TBC1D16: variants seen among roughly 807,000 people sequenced by gnomAD.
TBC1D16 encodes the protein CTD-2529O21.1.
In TBC1D16, 58 loss-of-function variants were observed where a neutral mutation model predicts 74.7. The observed-to-expected ratio is 0.78, with a 90% confidence interval of 0.63 to 0.97. The LOEUF (loss-of-function observed/expected upper bound fraction) is 0.97. Among genes scored for constraint, TBC1D16 ranks in the 50% least tolerant of loss-of-function variants. The pLI is 0.00. For missense variants in TBC1D16, 1,014 were observed against 1,079.5 expected (o/e 0.94, Z 0.85); for synonymous variants, 493 against 474.7 (o/e 1.04, Z -0.50).
At position 80,035,615 on chromosome 17, in the gene TBC1D16, G is replaced by GCCCCGCA. The variant is rs1261614884; in HGVS notation, c.-63+173_-63+179dup. 6.6e-6 allele frequency among the ~76,000 whole-genome samples: 1 copy of GCCCCGCA among 151,422 alleles called. No homozygotes were observed. Among genetic ancestry groups the GCCCCGCA allele is most frequent in the Admixed American group, 6.6e-5 (1 of 15,216 alleles). On this transcript the variant is annotated intron_variant, in intron 1 of 11. Coordinates refer to ENST00000310924, the MANE Select transcript of TBC1D16 (RefSeq NM_019020.4). The surrounding 1 kb of genome is among the most constrained non-coding windows in gnomAD (Gnocchi z 5.3). ...CCACAACGCTCCCGCTCCTGCTGGC[G>GCCCCGCA]CCCCGCACCCCGAGGACGGCGGCCG... is the stretch of plus-strand genomic sequence containing the variant.
At position 80,001,513 on chromosome 17, in the gene TBC1D16, G is replaced by A. The variant is rs1426947932; in HGVS notation, c.779+8647C>T. Among the ~76,000 whole-genome samples, 1 of 152,118 alleles carries A rather than the reference G, an allele frequency of 6.6e-6. No individual in the cohort carries two copies. The highest frequency in any genetic ancestry group is 1.5e-5 in the Non-Finnish European group (1 of 68,000). ...CCGGAGGGGTGGGCGGGGGTTCCTG[G>A]AGCATCCTCAGGGGGCGGCGGGCGC... On this transcript the variant is annotated intron_variant, in intron 3 of 11. Transcript: ENST00000310924. The surrounding 1 kb of genome is among the most constrained non-coding windows in gnomAD (Gnocchi z 5.8).
At chr17:80,024,627 GC>G in intron 1 of TBC1D16, among the ~76,000 whole-genome samples, 5 of 21,844 alleles carry the variant, frequency 2.3e-4, no homozygotes, top group South Asian at 1.2e-3. Context: ...CACACCATAA[GC>G]ACACACACCA....
rs1057042300 is a variant in TBC1D16, at chr17:79,954,910, T to C, written c.780-2092A>G. On this transcript the variant is annotated intron_variant, in intron 3 of 11. Transcript: ENST00000310924. The surrounding 1 kb of genome is among the most constrained non-coding windows in gnomAD (Gnocchi z 5.5). ...ACTCACCCTACAGGGCAGGCCAAGG[T>C]TTCCAGAAACCAGACAGAACACAGA... Among the ~76,000 whole-genome samples the C allele has an allele frequency of 6.6e-6, 1 of 151,822 alleles. No individual in the cohort carries two copies. The highest frequency in any genetic ancestry group is 2.4e-5 in the African/African-American group (1 of 41,306).
rs373886731 is a variant in TBC1D16 at position 79,993,551 on chromosome 17, G to C, written c.779+16609C>G. The stretch of plus-strand genomic sequence containing the variant: ...TATGAAGCCAAACAGAACCAGCTAC[G>C]GGAGTCTTTCGACCGCAAGACAAAA... On this transcript the variant is annotated intron_variant, in intron 3 of 11. Coordinates refer to ENST00000310924, the MANE Select transcript of TBC1D16 (RefSeq NM_019020.4). This position sits in a 1 kb window ranked among gnomAD's most constrained non-coding sequence, Gnocchi z 5.1. 2 of 152,244 alleles carry C rather than the reference G, an allele frequency of 1.3e-5. No individual in the cohort carries two copies. The highest frequency in any genetic ancestry group is 4.8e-5 in the African/African-American group (2 of 41,442). The allele number at this position is 152,244 out of a possible 1,614,324, so 9.4% of individuals were successfully genotyped here. A position where few individuals can be genotyped will look rare whatever the true frequency, so the allele number is the denominator to read the frequency against.
intron 3 of TBC1D16, among the ~76,000 whole-genome samples, chr17:79,991,212 C>T (rs1468532228): frequency 6.6e-6 from 1 of 152,248 alleles, no homozygotes; most frequent in African/African-American, 2.4e-5. Context: ...GCGGTCCCTG[C>T]GTCCACGCCG....
rs895833521 is a variant in TBC1D16 at position 79,954,092 on chromosome 17, G to C, written c.780-1274C>G. 6.6e-6 allele frequency among the ~76,000 whole-genome samples: 1 copy of C among 152,138 alleles called. No homozygotes were observed. The highest frequency in any genetic ancestry group is 2.4e-5 in the African/African-American group (1 of 41,438). ...ACACTCTCTTGAGATTTAATGTCTA[G>C]CAAATGTCTGCTAAAATAAAACCGG... On this transcript the variant is annotated intron_variant, in intron 3 of 11. Coordinates refer to ENST00000310924, the MANE Select transcript of TBC1D16 (RefSeq NM_019020.4). This position sits in a 1 kb window ranked among gnomAD's most constrained non-coding sequence, Gnocchi z 5.5.
At chr17:79,982,300 T>C (rs538827937) in intron 3 of TBC1D16, among the ~76,000 whole-genome samples, 183 of 151,696 alleles carry the variant, frequency 1.2e-3, no homozygotes, top group African/African-American at 4.1e-3. Context: ...GCGCCCGCCA[T>C]CAAGCCCAGC....
At position 79,973,720 on chromosome 17, in the gene TBC1D16, AAG is replaced by A. The variant is rs1165468147; in HGVS notation, c.780-20904_780-20903del. On this transcript the variant is annotated intron_variant, in intron 3 of 11. Transcript: ENST00000310924. Reference sequence around the variant, plus strand: ...GCGAGACTCTGTCTCAAAAAAAAAAAAGAAAAAAAAATTACAACAAAAAATTA... The same window carrying A: ...GCGAGACTCTGTCTCAAAAAAAAAAAAAAAAAAAATTACAACAAAAAATTA... Among the ~76,000 whole-genome samples, 409 of 76,360 alleles carry A rather than the reference AAG, an allele frequency of 5.4e-3. 11 individuals are homozygous for A. Among genetic ancestry groups the A allele is most frequent in the Admixed American group, 0.015 (67 of 4,614 alleles). The allele number at this position is 76,360 out of a possible 152,430, so 50.1% of individuals were successfully genotyped here.
Position 79,993,749 on chromosome 17 carries a change from C to T in TBC1D16, c.779+16411G>A, listed in dbSNP as rs555679483. ...GGAGCCCGTGACCTCATGCTCAGAG[C>T]TCTCAGAAGCTCACGTGGCCTGTGA... On this transcript the variant is annotated intron_variant, in intron 3 of 11. Coordinates refer to ENST00000310924, the MANE Select transcript of TBC1D16 (RefSeq NM_019020.4). This position sits in a 1 kb window ranked among gnomAD's most constrained non-coding sequence, Gnocchi z 5.1. 2 of 152,344 alleles carry T rather than the reference C, an allele frequency of 1.3e-5. No homozygotes were observed. Among genetic ancestry groups the T allele is most frequent in the East Asian group, 3.9e-4 (2 of 5,182 alleles). 9.4% of individuals were successfully genotyped at this position (152,344 alleles called of 1,614,324 possible).
chr17:79,988,044 G>A lies in TBC1D16; in HGVS notation c.779+22116C>T, dbSNP rs1224041274. Reference sequence around the variant, plus strand: ...AAAATTAGGTGGGGGAGAATGAGACGATATTCAATATTTCCTTCTGATTCA... The same window carrying A: ...AAAATTAGGTGGGGGAGAATGAGACAATATTCAATATTTCCTTCTGATTCA... On this transcript the variant is annotated intron_variant, in intron 3 of 11. Coordinates refer to ENST00000310924, the MANE Select transcript of TBC1D16 (RefSeq NM_019020.4). This position sits in a 1 kb window ranked among gnomAD's most constrained non-coding sequence, Gnocchi z 5.7. 6.6e-6 allele frequency among the ~76,000 whole-genome samples: 1 copy of A among 152,094 alleles called. No individual in the cohort carries two copies. The highest frequency in any genetic ancestry group is 2.4e-5 in the African/African-American group (1 of 41,382).
In TBC1D16 at chr17:80,013,517, A is replaced by C; in HGVS notation, c.31T>G (p.Ser11Ala). Residue 11 changes from serine to alanine, a missense_variant, in exon 2 of 12, where the codon TCC (serine) becomes GCC (alanine). Physicochemically the swap from Ser to Ala is moderately conservative, Grantham distance 99. Transcript: ENST00000310924. Reference protein sequence around the residue: MSLGRLLRRASSKASDLLTLT... With the variant: MSLGRLLRRAASKASDLLTLT... The stretch of plus-strand genomic sequence containing the variant: ...GTCAGGAGGTCCGAGGCTTTGGAGG[A>C]GGCCCTGCGAAGGAGGCGGCCCAGA... The C allele has an allele frequency of 2.6e-6, 4 of 1,557,576 alleles. No homozygotes were observed. Among genetic ancestry groups the C allele is most frequent in the Non-Finnish European group, 3.5e-6 (4 of 1,152,802 alleles).
rs2031392450 is a variant in TBC1D16 at position 79,933,566 on chromosome 17, AT to A, written c.*7292del. 6.6e-6 allele frequency: 1 copy of A among 152,160 alleles called. No homozygotes were observed. Among genetic ancestry groups the A allele is most frequent in the Non-Finnish European group, 1.5e-5 (1 of 68,056 alleles). 9.4% of individuals were successfully genotyped at this position (152,160 alleles called of 1,614,324 possible). ...CCGCACTGGACTATGGGGGATCACA[AT>A]GGGTTTCAGTTTGATTGAGAGAAAA... On this transcript the variant is annotated 3_prime_UTR_variant, in exon 12 of 12. Transcript: ENST00000310924.
At position 79,950,901 on chromosome 17, in the gene TBC1D16, G is replaced by A; in HGVS notation, c.1090-323C>T. On this transcript the variant is annotated intron_variant, in intron 5 of 11. Coordinates refer to ENST00000310924, the MANE Select transcript of TBC1D16 (RefSeq NM_019020.4). This position sits in a 1 kb window ranked among gnomAD's most constrained non-coding sequence, Gnocchi z 4.6. Reference sequence around the variant, plus strand: ...TCCCTCTGCCGGGAGGGCCTGCAATGAATTACATGTGATTGGCCACATACA... The same window carrying A: ...TCCCTCTGCCGGGAGGGCCTGCAATAAATTACATGTGATTGGCCACATACA... 3 of 1,443,584 alleles carry A rather than the reference G, an allele frequency of 2.1e-6. No individual in the cohort carries two copies. The South Asian group carries it at 4.1e-5, about 20-fold the overall frequency. 89.4% of individuals were successfully genotyped at this position (1,443,584 alleles called of 1,614,324 possible).
At chr17:79,998,274 T>C (rs529532524) in intron 3 of TBC1D16, among the ~76,000 whole-genome samples, 1 of 151,846 alleles carries the variant, frequency 6.6e-6, no homozygotes, top group South Asian at 2.1e-4. Flanking sequence ...CAATTTTGCC[T>C]TTTCCAGAAT....
At chr17:80,023,667 A>G (rs11649802) in intron 1 of TBC1D16, among the ~76,000 whole-genome samples, 8 of 142,516 alleles carry the variant, frequency 5.6e-5, no homozygotes, top group Non-Finnish European at 9.1e-5. Flanking sequence ...GCCCCCCCCC[A>G]CCGGCTCAGG....
chr17:79,959,772 C>T (rs546772530), intron 3 of TBC1D16, among the ~76,000 whole-genome samples: 75 of 152,176 alleles, frequency 4.9e-4, no homozygotes, highest in African/African-American at 1.8e-3. Context: ...CAGAAGAATC[C>T]GTAAGAGAAA....
chr17:80,022,374 C>T (rs1045540947), intron 1 of TBC1D16, among the ~76,000 whole-genome samples: 4 of 149,680 alleles, frequency 2.7e-5, no homozygotes, highest in African/African-American at 1.0e-4. Context: ...TCTCTTGTTG[C>T]CCAGGCTAGT....
intron 1 of TBC1D16, among the ~76,000 whole-genome samples, chr17:80,014,064 A>T (rs2036002276): frequency 6.6e-6 from 1 of 152,236 alleles, no homozygotes; most frequent in African/African-American, 2.4e-5. Context: ...TTCATTAAAA[A>T]GAAATAAACA....
At position 79,935,239 on chromosome 17, in the gene TBC1D16, G is replaced by C. The variant is rs1221520194; in HGVS notation, c.*5620C>G. On this transcript the variant is annotated 3_prime_UTR_variant, in exon 12 of 12. Transcript: ENST00000310924. ...TCAGAGTTAACCGGCCCTTTCCCGA[G>C]TGAGACCCCGCGAGCACTCGTCAAT... 2.0e-5 allele frequency: 3 copies of C among 152,368 alleles called. No homozygotes were observed. In the East Asian group the frequency reaches 5.8e-4, roughly 29 times the overall value. 9.4% of individuals were successfully genotyped at this position (152,368 alleles called of 1,614,324 possible). A position where few individuals can be genotyped will look rare whatever the true frequency, so the allele number is the denominator to read the frequency against.
Sources: allele counts gnomAD v4.1 joint callset (sites outside exome capture counted in the v4.1 genomes callset), GRCh38; gene constraint gnomAD v4.1.1; non-coding constraint Gnocchi (gnomAD v3.1); transcripts MANE v1.5; gene names NCBI Gene and HGNC (gene_info 2026-07-23, HGNC 2026-07-21).